The following SPEF2 variants were observed in gnomAD, a reference collection of about 807,000 sequenced individuals.
The protein encoded by SPEF2 is sperm flagellar and cilia associated 2.
Under a neutral mutation model 224.6 loss-of-function variants are expected in SPEF2, and 187 were observed. That is an observed-to-expected ratio of 0.83 (90% CI 0.74 to 0.94). SPEF2 has a LOEUF of 0.94. Ranked by LOEUF, SPEF2 falls within the 40% of genes least tolerant of loss-of-function variation. The pLI is 0.00. For missense variants in SPEF2, 2,170 were observed against 2,135.6 expected, an observed-to-expected ratio of 1.02 and a Z score of -0.32; for synonymous variants, 715 against 707.3, an observed-to-expected ratio of 1.01 and a Z score of -0.17.
chr5:35,700,551 C>G lies in SPEF2; in HGVS notation c.2197C>G (p.Gln733Glu). 1 of 1,613,602 alleles carries G rather than the reference C, an allele frequency of 6.2e-7. No individual in the cohort carries two copies. Among genetic ancestry groups the G allele is most frequent in the African/African-American group, 1.3e-5 (1 of 74,984 alleles). The stretch of plus-strand genomic sequence containing the variant: ...AGATGGTTTTCCAATGACTTTAAAC[C>G]AAGCACAGCTTCTGGAAGAAGCTCT... ...ILDGFPMTLNQAQLLEEALTG... is the reference protein window; with the variant it reads ...ILDGFPMTLNEAQLLEEALTG... The change falls in exon 16 of 37, where the codon CAA becomes GAA. Residue 733 changes from glutamine (Q) to glutamate (E), a missense_variant. Physicochemically the swap from Gln to Glu is conservative, Grantham distance 29. Coordinates refer to ENST00000356031, the MANE Select transcript of SPEF2 (RefSeq NM_024867.4).
chr5:35,734,286 A>G (rs1028487513), intron 21 of SPEF2, among the ~76,000 whole-genome samples: 3 of 152,214 alleles, frequency 2.0e-5, no homozygotes, highest in Non-Finnish European at 2.9e-5. Context: ...TACATATGCC[A>G]AGAACATTCC....
intron 20 of SPEF2, among the ~76,000 whole-genome samples, chr5:35,721,515 A>C (rs771015750): frequency 2.9e-4 from 44 of 152,216 alleles, no homozygotes; most frequent in Non-Finnish European, 5.7e-4. Flanking sequence ...CTCAAAACCC[A>C]AAAAGCAGTC....
At chr5:35,757,450 TA>T (rs1389183525) in intron 24 of SPEF2, among the ~76,000 whole-genome samples, 1 of 152,140 alleles carries the variant, frequency 6.6e-6, no homozygotes, top group East Asian at 1.9e-4. Context: ...ATTTACCAAA[TA>T]ATACAATGCT....
chr5:35,786,315 A>T (rs1755107373), intron 30 of SPEF2, among the ~76,000 whole-genome samples: 1 of 152,202 alleles, frequency 6.6e-6, no homozygotes. Flanking sequence ...AACATTTAGA[A>T]TCGCAAAAAT....
chr5:35,776,147 C>A, intron 28 of SPEF2, 110 bp from the exon 29 acceptor site: 2 of 1,049,848 alleles, frequency 1.9e-6, no homozygotes, highest in Non-Finnish European at 2.7e-6. Flanking sequence ...ATTAAACGTG[C>A]ACCTAAAGCT....
intron 30 of SPEF2, among the ~76,000 whole-genome samples, chr5:35,786,671 A>G (rs1755186513): frequency 6.6e-6 from 1 of 152,068 alleles, no homozygotes; most frequent in African/African-American, 2.4e-5. Context: ...AAAAAAAAAC[A>G]AAAAAAGCAA....
chr5:35,739,935 T>C lies in SPEF2; in HGVS notation c.3080T>C (p.Leu1027Ser), dbSNP rs774735931. ...EPVPEEMPLF[L>S]VPYWELIENS... ...ATTTAACAGGAAATGCCTTTGTTTT[T>C]AGTACCTTACTGGGAACTAATAGAA... Residue 1027 changes from leucine (L) to serine (S), a missense_variant, in exon 22 of 37, where the codon TTA (leucine) becomes TCA (serine). Coordinates refer to ENST00000356031, the MANE Select transcript of SPEF2 (RefSeq NM_024867.4). 3.1e-6 allele frequency: 5 copies of C among 1,613,558 alleles called. No individual in the cohort carries two copies. Among genetic ancestry groups the C allele is most frequent in the Admixed American group, 1.7e-5 (1 of 59,888 alleles).
intron 24 of SPEF2, among the ~76,000 whole-genome samples, chr5:35,757,700 A>T (rs1458095749): frequency 2.0e-5 from 3 of 152,158 alleles, no homozygotes; most frequent in Non-Finnish European, 4.4e-5. Flanking sequence ...TTCATACATG[A>T]ATATTTTAAA....
intron 36 of SPEF2, among the ~76,000 whole-genome samples, chr5:35,809,374 T>C (rs1028008276): frequency 6.6e-6 from 1 of 152,190 alleles, no homozygotes; most frequent in Non-Finnish European, 1.5e-5. Context: ...TGCAAAATTA[T>C]AGGAATTCAA....
chr5:35,699,151 T>C (rs892973080), intron 15 of SPEF2: 2 of 152,186 alleles, frequency 1.3e-5, no homozygotes, highest in African/African-American at 4.8e-5. Context: ...CTTTAACTTC[T>C]GTTTTCCCCC....
chr5:35,793,025 T>C (rs1352157989), intron 31 of SPEF2, 134 bp from the exon 32 acceptor site: 1 of 764,764 alleles, frequency 1.3e-6, no homozygotes, highest in Admixed American at 2.9e-5. Flanking sequence ...GAAACAAAAG[T>C]CAGAACTGAT....
chr5:35,632,435 C>T (rs558386652), intron 2 of SPEF2, among the ~76,000 whole-genome samples: 1 of 152,284 alleles, frequency 6.6e-6, no homozygotes, highest in African/African-American at 2.4e-5. Flanking sequence ...ACAAGACCAA[C>T]ATGGGGGAAG....
chr5:35,812,344 A>G (rs1758598003), intron 36 of SPEF2, among the ~76,000 whole-genome samples: 1 of 152,208 alleles, frequency 6.6e-6, no homozygotes, highest in African/African-American at 2.4e-5. Context: ...GTCCATACCT[A>G]TGTGGAAGTT....
At chr5:35,763,743 T>A (rs774535942) in intron 26 of SPEF2, 41 bp downstream of exon 26, 4 of 1,543,164 alleles carry the variant, frequency 2.6e-6, no homozygotes, top group Non-Finnish European at 3.5e-6. Flanking sequence ...TAATACACAT[T>A]CATTAAGTAC....
In SPEF2 at chr5:35,677,138, C is replaced by G. The variant is rs73080290; in HGVS notation, c.1524+6911C>G. On this transcript the variant is annotated intron_variant, in intron 10 of 36. Transcript: ENST00000356031. ...TTTTGCAGTTACAAGGTAGGCAGAACAAGTCATAATGCCTATGTATTTTGT... is the reference window on the plus strand; with the variant it reads ...TTTTGCAGTTACAAGGTAGGCAGAAGAAGTCATAATGCCTATGTATTTTGT... Among the ~76,000 whole-genome samples, 1,066 of 152,282 alleles carry G rather than the reference C, an allele frequency of 7.0e-3. 14 individuals carry two copies. The highest frequency in any genetic ancestry group is 0.025 in the African/African-American group (1,032 of 41,556).
chr5:35,796,481 G>A (rs969697817), intron 33 of SPEF2, among the ~76,000 whole-genome samples: 23 of 151,880 alleles, frequency 1.5e-4, no homozygotes, highest in South Asian at 2.1e-4. Flanking sequence ...GTGCAGTGGC[G>A]GGCGCCTGTA....
intron 1 of SPEF2, among the ~76,000 whole-genome samples, chr5:35,626,992 A>G (rs977438618): frequency 1.3e-5 from 2 of 152,094 alleles, no homozygotes; most frequent in Non-Finnish European, 2.9e-5. Flanking sequence ...TTAGTCAGAC[A>G]GGTAAAATAG....
At position 35,814,536 on chromosome 5, in the gene SPEF2, A is replaced by G. The variant is rs747144628; in HGVS notation, c.5452A>G (p.Thr1818Ala). Residue 1818 changes from threonine (T) to alanine (A), a missense_variant, in exon 37 of 37, where the codon ACA (threonine) becomes GCA (alanine). By Grantham distance (58) the Thr-to-Ala change is moderately conservative. Coordinates refer to ENST00000356031, the MANE Select transcript of SPEF2 (RefSeq NM_024867.4). ...TGGAGAGAGATCACCTTCAAGACAT[A>G]CAGAGGAAAAGAAATGAAGACAAAA... ...SDGERSPSRH[T>A]EEKK is the part of the protein sequence containing the mutation. 4 of 1,604,680 alleles carry G rather than the reference A, an allele frequency of 2.5e-6. No homozygotes were observed. The South Asian group carries it at 3.4e-5, about 13-fold the overall frequency.
intron 2 of SPEF2, among the ~76,000 whole-genome samples, chr5:35,634,743 T>C (rs1411955936): frequency 1.3e-5 from 2 of 152,124 alleles, no homozygotes; most frequent in Non-Finnish European, 2.9e-5. Context: ...ATTGACATAA[T>C]ACAGAGATTT....
Sources: allele counts gnomAD v4.1 joint callset (sites outside exome capture counted in the v4.1 genomes callset), GRCh38; gene constraint gnomAD v4.1.1; transcripts MANE v1.5; gene names NCBI Gene and HGNC (gene_info 2026-07-23, HGNC 2026-07-21).